Variants in CRLS1 observed in about 807,000 individuals in gnomAD.
CRLS1 encodes the protein cardiolipin synthase 1.
A neutral mutation model predicts 37.0 loss-of-function variants in CRLS1; 24 were observed. That is an observed-to-expected ratio of 0.65 (90% confidence interval 0.47 to 0.91). CRLS1 has a LOEUF of 0.91. Among genes scored for constraint, CRLS1 ranks in the 40% least tolerant of loss-of-function variants. The pLI is 0.00. For missense variants in CRLS1, 373 were observed against 395.8 expected, an observed-to-expected ratio of 0.94 and a Z score of 0.49; for synonymous variants, 135 against 159.7, an observed-to-expected ratio of 0.85 and a Z score of 1.17.
rs928557626 is a variant in CRLS1, at chr20:6,038,127, A to G, written c.*969A>G. 3.9e-5 allele frequency: 6 copies of G among 152,218 alleles called. No individual in the cohort carries two copies. The highest frequency in any genetic ancestry group is 1.4e-4 in the African/African-American group (6 of 41,456). The allele number at this position is 152,218 out of a possible 1,614,324, so 9.4% of individuals were successfully genotyped here. A position where few individuals can be genotyped will look rare whatever the true frequency, so the allele number is the denominator to read the frequency against. The stretch of plus-strand genomic sequence containing the variant: ...GTTTTCCGATTCACAGAGTCCATTC[A>G]TGTACATCACTTACACTTAAATTGT... On this transcript the variant is annotated 3_prime_UTR_variant, in exon 7 of 7. Coordinates refer to ENST00000378863, the MANE Select transcript of CRLS1 (RefSeq NM_019095.6).
chr20:6,005,958 A>T (rs1385914307), upstream of CRLS1: 1 of 270,102 alleles, frequency 3.7e-6, no homozygotes, highest in Non-Finnish European at 6.9e-6. Context: ...AGCGCCGCGT[A>T]CCCGCTGCTT....
intron 5 of CRLS1, among the ~76,000 whole-genome samples, chr20:6,032,914 T>A (rs1980281681): frequency 1.3e-5 from 2 of 151,850 alleles, no homozygotes; most frequent in Admixed American, 6.5e-5. Flanking sequence ...GGTTTGGGGT[T>A]TTTTTGTTGT....
At chr20:6,030,782 A>C (rs367797042) in intron 3 of CRLS1, among the ~76,000 whole-genome samples, 6 of 152,354 alleles carry the variant, frequency 3.9e-5, no homozygotes, top group African/African-American at 1.4e-4. Flanking sequence ...TCTTCAGAGA[A>C]TAGTCTAAAA....
intron 6 of CRLS1, 149 bp from the exon 7 acceptor site, chr20:6,036,925 G>A: frequency 1.8e-6 from 1 of 559,706 alleles, no homozygotes; most frequent in East Asian, 2.9e-5. Context: ...TTAGACTCTT[G>A]TAGTTAAGAA....
chr20:6,030,758 A>G (rs1288509894), intron 3 of CRLS1, among the ~76,000 whole-genome samples: 1 of 152,204 alleles, frequency 6.6e-6, no homozygotes, highest in African/African-American at 2.4e-5. Flanking sequence ...GTTGCACATA[A>G]CAGCAAATTT....
In CRLS1 at chr20:6,037,105, G is replaced by A. The variant is rs775386314; in HGVS notation, c.853G>A (p.Ala285Thr). The A allele has an allele frequency of 8.7e-6, 14 of 1,613,378 alleles. No homozygotes were observed. The South Asian group carries it at 1.2e-4, about 14-fold the overall frequency. ...TACAGCTTTCACCACAGCTGCATCA[G>A]CTTATAGTTACTATCATTATGGCCG... is the stretch of plus-strand genomic sequence containing the variant. The part of the protein sequence containing the change: ...CFTAFTTAAS[A>T]YSYYHYGRKT... The change falls in exon 7 of 7, where the codon GCT (alanine) becomes ACT (threonine). Residue 285 changes from alanine to threonine, a missense_variant. Ala to Thr is a moderately conservative substitution (Grantham distance 58, BLOSUM62 0). Transcript: ENST00000378863.
intron 2 of CRLS1, among the ~76,000 whole-genome samples, chr20:6,014,085 T>TGCAATA (rs1424251789): frequency 1.3e-5 from 2 of 152,224 alleles, no homozygotes; most frequent in Admixed American, 6.5e-5. Context: ...TTTTTTCAGT[T>TGCAATA]GCAATAGCAA....
In CRLS1 at chr20:6,024,756, C is replaced by T. The variant is rs548135529; in HGVS notation, c.575-6529C>T. ...TTGAAGGAAATTAAAATTGTTACTC[C>T]AGTGAACACACAAATGTTAAGTAAG... On this transcript the variant is annotated intron_variant, in intron 3 of 6. Transcript: ENST00000378863. 3.2e-3 allele frequency among the ~76,000 whole-genome samples: 481 copies of T among 152,268 alleles called. 4 individuals carry two copies. Among genetic ancestry groups the T allele is most frequent in the South Asian group, 0.011 (52 of 4,824 alleles).
At position 6,015,629 on chromosome 20, in the gene CRLS1, T is replaced by C. The variant is rs759856364; in HGVS notation, c.574+139T>C. 7.4e-6 allele frequency: 6 copies of C among 806,946 alleles called. No individual in the cohort carries two copies. The East Asian group carries it at 1.1e-4, about 15-fold the overall frequency. The allele number at this position is 806,946 out of a possible 1,614,324, so 50.0% of individuals were successfully genotyped here. On this transcript the variant is annotated intron_variant, in intron 3 of 6. Transcript: ENST00000378863. ...TTAAACTGTTTCCCTAATTTTAAAC[T>C]GTTGAACTGTTTTGTCAAACTACTT...
At chr20:6,024,906 T>G (rs1979555972) in intron 3 of CRLS1, among the ~76,000 whole-genome samples, 2 of 152,184 alleles carry the variant, frequency 1.3e-5, no homozygotes, top group African/African-American at 4.8e-5. Context: ...GTCTCTTCCA[T>G]TCCTTGAAGG....
rs1555792409 is a variant in CRLS1, at chr20:6,006,354, G to C, written c.108G>C (p.Pro36=). 1 of 1,385,408 alleles carries C rather than the reference G, an allele frequency of 7.2e-7. No homozygotes were observed. Among genetic ancestry groups the C allele is most frequent in the Non-Finnish European group, 9.4e-7 (1 of 1,066,410 alleles). The allele number at this position is 1,385,408 out of a possible 1,614,324, so 85.8% of individuals were successfully genotyped here. The change falls in exon 1 of 7, where the codon CCG becomes CCC. Residue 36 remains proline (P), a synonymous_variant. Coordinates refer to ENST00000378863, the MANE Select transcript of CRLS1 (RefSeq NM_019095.6). The part of the protein sequence containing the change: ...SKRRACWALL[P]PVPCCLGCLA... ...GACGCGCCTGCTGGGCCCTGCTGCC[G>C]CCCGTGCCCTGCTGCTTGGGCTGCC...
At position 6,035,907 on chromosome 20, in the gene CRLS1, C is replaced by T. The variant is rs550860036; in HGVS notation, c.822-1167C>T. 4.6e-5 allele frequency among the ~76,000 whole-genome samples: 7 copies of T among 152,140 alleles called. No homozygotes were observed. In the East Asian group the frequency reaches 5.8e-4, roughly 13 times the overall value. ...GCAACCTCTACCACCCGGGTTCAAG[C>T]GATTCTCCTGCCTCAGCCTCCTGAG... On this transcript the variant is annotated intron_variant, in intron 6 of 6. Transcript: ENST00000378863.
chr20:6,025,504 ATGT>A (rs1979603336), intron 3 of CRLS1, among the ~76,000 whole-genome samples: 1 of 152,186 alleles, frequency 6.6e-6, no homozygotes, highest in African/African-American at 2.4e-5. Context: ...AAGAAAATTA[ATGT>A]TGTTTTCATA....
Position 6,039,594 on chromosome 20 carries a change from A to G in CRLS1, c.*2436A>G, listed in dbSNP as rs921169116. The G allele has an allele frequency of 2.6e-5, 4 of 152,182 alleles. No individual in the cohort carries two copies. Among genetic ancestry groups the G allele is most frequent in the Admixed American group, 2.0e-4 (3 of 15,266 alleles). The allele number at this position is 152,182 out of a possible 1,614,324, so 9.4% of individuals were successfully genotyped here. ...AGAAGTAAATGCTCTTGTGGCTTGA[A>G]TCGCATCTCCCAAGAAAGATACGTT... On this transcript the variant is annotated 3_prime_UTR_variant, in exon 7 of 7. Transcript: ENST00000378863.
chr20:6,035,725 G>A (rs914548596), intron 6 of CRLS1, among the ~76,000 whole-genome samples: 1 of 152,052 alleles, frequency 6.6e-6, no homozygotes, highest in African/African-American at 2.4e-5. Flanking sequence ...GGCCTCAAGC[G>A]ATCCTTCAGC....
At chr20:6,030,847 C>T (rs371990005) in intron 3 of CRLS1, among the ~76,000 whole-genome samples, 6 of 152,342 alleles carry the variant, frequency 3.9e-5, no homozygotes, top group African/African-American at 1.4e-4. Context: ...AGGCCTCCCA[C>T]ATCCTTCTCC....
intron 1 of CRLS1, among the ~76,000 whole-genome samples, chr20:6,007,718 A>G (rs7265464): frequency 0.11 from 17,151 of 150,960 alleles, 1,079 homozygotes; most frequent in Middle Eastern, 0.22. Flanking sequence ...CTCCCCTCCC[A>G]CTCTTCCCTT....
At position 6,006,157 on chromosome 20, in the gene CRLS1, G is replaced by A. The variant is rs1402258595; in HGVS notation, c.-90G>A. On this transcript the variant is annotated 5_prime_UTR_variant, in exon 1 of 7. Transcript: ENST00000378863. ...GCAGCGGTAGCCCAGTGTCTGAGTG[G>A]TTGCCGGGTCTCCATGGAGAAGCGG... The A allele has an allele frequency of 4.5e-6, 3 of 669,700 alleles. No individual in the cohort carries two copies. The highest frequency in any genetic ancestry group is 1.9e-5 in the African/African-American group (1 of 53,160). 41.5% of individuals were successfully genotyped at this position (669,700 alleles called of 1,614,324 possible). A position where few individuals can be genotyped will look rare whatever the true frequency, so the allele number is the denominator to read the frequency against.
chr20:6,036,396 A>G (rs1410655334), intron 6 of CRLS1, among the ~76,000 whole-genome samples: 2 of 152,226 alleles, frequency 1.3e-5, no homozygotes, highest in African/African-American at 4.8e-5. Context: ...TGGGCGCACT[A>G]AAAAGTAATC....
Sources: allele counts gnomAD v4.1 joint callset (sites outside exome capture counted in the v4.1 genomes callset), GRCh38; gene constraint gnomAD v4.1.1; transcripts MANE v1.5; gene names NCBI Gene and HGNC (gene_info 2026-07-23, HGNC 2026-07-21).